The following DENND4C variants were observed in gnomAD, a reference collection of about 807,000 sequenced individuals.
DENND4C encodes the protein DENN domain-containing protein 4C.
A neutral mutation model predicts 203.0 loss-of-function variants in DENND4C; 108 were observed. The ratio of observed to expected loss-of-function variants is 0.53; its 90% confidence interval spans 0.46 to 0.62. DENND4C has a LOEUF of 0.62. Among genes scored for constraint, DENND4C ranks in the 20% least tolerant of loss-of-function variants. The pLI, the probability that DENND4C is intolerant of heterozygous loss-of-function variation, is 0.00. For missense variants in DENND4C, 2,481 were observed against 2,301.2 expected, an observed-to-expected ratio of 1.08 and a Z score of -1.60; for synonymous variants, 871 against 792.4, an observed-to-expected ratio of 1.10 and a Z score of -1.67.
intron 1 of DENND4C, among the ~76,000 whole-genome samples, chr9:19,246,665 A>G (rs1825352824): frequency 6.6e-6 from 1 of 151,072 alleles, no homozygotes; most frequent in East Asian, 2.0e-4. Flanking sequence ...ATGTTCATCT[A>G]TGTTGTGACT....
intron 2 of DENND4C, among the ~76,000 whole-genome samples, chr9:19,285,123 C>T (rs527812351): frequency 6.6e-6 from 1 of 152,176 alleles, no homozygotes; most frequent in Non-Finnish European, 1.5e-5. Context: ...CTAAGTCCTG[C>T]TTATTACATT....
chr9:19,288,555 A>G, intron 3 of DENND4C, 41 bp from the exon 4 acceptor site: 1 of 1,167,192 alleles, frequency 8.6e-7, no homozygotes, highest in Non-Finnish European at 1.1e-6. Context: ...ATTTCTTTTC[A>G]CTCTTTTGTC....
intron 1 of DENND4C, among the ~76,000 whole-genome samples, chr9:19,265,933 T>C (rs1830404630): frequency 6.6e-6 from 1 of 152,236 alleles, no homozygotes; most frequent in Non-Finnish European, 1.5e-5. Context: ...TGTGTGTCTT[T>C]ATAGCAGCAT....
At chr9:19,252,289 CAT>C (rs1826816784) in intron 1 of DENND4C, among the ~76,000 whole-genome samples, 2 of 152,136 alleles carry the variant, frequency 1.3e-5, no homozygotes, top group African/African-American at 4.8e-5. Flanking sequence ...ATGAGAACAG[CAT>C]GGGAAAGACC....
intron 9 of DENND4C, among the ~76,000 whole-genome samples, chr9:19,303,582 A>G (rs1455730904): frequency 1.3e-5 from 2 of 152,332 alleles, no homozygotes; most frequent in East Asian, 1.9e-4. Flanking sequence ...GATCTCTTTC[A>G]TTTATTGTTA....
chr9:19,318,804 C>T (rs1842262645), intron 12 of DENND4C, among the ~76,000 whole-genome samples: 1 of 152,142 alleles, frequency 6.6e-6, no homozygotes, highest in Non-Finnish European at 1.5e-5. Context: ...CTCATTTTAG[C>T]ATAATTACCT....
At chr9:19,256,945 C>T (rs1331312164) in intron 1 of DENND4C, among the ~76,000 whole-genome samples, 1 of 151,824 alleles carries the variant, frequency 6.6e-6, no homozygotes, top group Non-Finnish European at 1.5e-5. Context: ...TGGCAGGCGC[C>T]TGCAGTCCCA....
intron 1 of DENND4C, among the ~76,000 whole-genome samples, chr9:19,234,199 G>C (rs1821288294): frequency 2.0e-5 from 3 of 151,732 alleles, no homozygotes; most frequent in Admixed American, 1.3e-4. Context: ...TAACATTTTA[G>C]TAATTCCACT....
chr9:19,299,401 T>TAATAAAG, intron 8 of DENND4C, 114 bp downstream of exon 8: 3 of 727,372 alleles, frequency 4.1e-6, no homozygotes, highest in Non-Finnish European at 6.0e-6. Flanking sequence ...TACAATTAAC[T>TAATAAAG]TTATTAGTTA....
chr9:19,327,587 C>CATAA (rs1818091006), intron 15 of DENND4C, among the ~76,000 whole-genome samples: 1 of 151,822 alleles, frequency 6.6e-6, no homozygotes, highest in African/African-American at 2.4e-5. Context: ...TAATGTCCAG[C>CATAA]AGTGAAAAAC....
In DENND4C at chr9:19,336,754, G is replaced by A; in HGVS notation, c.2803G>A (p.Asp935Asn). 3 of 1,551,010 alleles carry A rather than the reference G, an allele frequency of 1.9e-6. No individual in the cohort carries two copies. Among genetic ancestry groups the A allele is most frequent in the Non-Finnish European group, 2.6e-6 (3 of 1,147,068 alleles). ...CCACGGTAGTGTGGATAGTTCTAAT[G>A]ATGCTAACAATGGGGAGCACACAGT... ...VSHGSVDSSN[D>N]ANNGEHTVFV... is the part of the protein sequence containing the mutation. The change falls in exon 20 of 33, where the codon GAT becomes AAT. Residue 935 changes from aspartate to asparagine, a missense_variant. Asp to Asn is a conservative substitution (Grantham distance 23). Transcript: ENST00000434457.
At chr9:19,297,749 G>A (rs1837755401) in intron 6 of DENND4C, among the ~76,000 whole-genome samples, 1 of 152,038 alleles carries the variant, frequency 6.6e-6, no homozygotes, top group Admixed American at 6.6e-5. Context: ...CCCTGTACTG[G>A]CACAGATAAC....
intron 9 of DENND4C, among the ~76,000 whole-genome samples, chr9:19,302,156 A>G (rs1838723710): frequency 6.6e-6 from 1 of 152,206 alleles, no homozygotes; most frequent in African/African-American, 2.4e-5. Flanking sequence ...TGCATGCAAA[A>G]TTATTTATAA....
chr9:19,276,360 C>G lies in DENND4C; in HGVS notation c.186C>G (p.Thr62=). ...SAGETVPEGY[T]CVEATPSALQ... ...GAGAAACAGTACCTGAAGGTTACAC[C>G]TGTGTAGAAGCCACTCCATCAGCTC... Residue 62 remains threonine (T), a synonymous_variant, in exon 2 of 33, where the codon ACC becomes ACG. Transcript: ENST00000434457. The G allele has an allele frequency of 1.6e-6, 2 of 1,232,016 alleles. No homozygotes were observed. The highest frequency in any genetic ancestry group is 2.0e-6 in the Non-Finnish European group (2 of 987,904). 76.3% of individuals were successfully genotyped at this position (1,232,016 alleles called of 1,614,324 possible).
chr9:19,275,396 G>C (rs889608425), intron 1 of DENND4C, among the ~76,000 whole-genome samples: 4 of 150,684 alleles, frequency 2.7e-5, no homozygotes, highest in Admixed American at 6.7e-5. Flanking sequence ...GGGGTCGAGC[G>C]ATTCTCATGC....
intron 20 of DENND4C, among the ~76,000 whole-genome samples, chr9:19,338,453 G>T (rs1820953901): frequency 6.6e-6 from 1 of 152,002 alleles, no homozygotes; most frequent in African/African-American, 2.4e-5. Flanking sequence ...CAATAGTTGG[G>T]CACAAACCTT....
intron 12 of DENND4C, among the ~76,000 whole-genome samples, chr9:19,318,787 A>G (rs2131585832): frequency 6.6e-6 from 1 of 152,324 alleles, no homozygotes; most frequent in African/African-American, 2.4e-5. Flanking sequence ...GGATCTACCC[A>G]ATAATCCTCA....
chr9:19,280,941 A>T (rs946447876), intron 2 of DENND4C, among the ~76,000 whole-genome samples: 2 of 151,926 alleles, frequency 1.3e-5, no homozygotes, highest in Non-Finnish European at 2.9e-5. Flanking sequence ...GGGGTTTCTC[A>T]TGTTGCCCAG....
chr9:19,365,118 C>T (rs1003353247), intron 30 of DENND4C, among the ~76,000 whole-genome samples: 2 of 152,112 alleles, frequency 1.3e-5, no homozygotes, highest in African/African-American at 2.4e-5. Context: ...AATTAAAAAT[C>T]AGTATCATTT....
Sources: allele counts gnomAD v4.1 joint callset (sites outside exome capture counted in the v4.1 genomes callset), GRCh38; gene constraint gnomAD v4.1.1; transcripts MANE v1.5; gene names NCBI Gene and HGNC (gene_info 2026-07-23, HGNC 2026-07-21).